TTC39B: variants seen among roughly 807,000 people sequenced by gnomAD.
TTC39B encodes tetratricopeptide repeat domain 39B.
Under a neutral mutation model 96.6 loss-of-function variants are expected in TTC39B, and 92 were observed. The observed-to-expected ratio is 0.95, with a 90% CI of 0.80 to 1.13. The LOEUF (loss-of-function observed/expected upper bound fraction) is 1.13. Ranked by LOEUF, TTC39B falls within the 50% of genes most tolerant of loss-of-function variation. The pLI is 0.00. For missense variants in TTC39B, 955 were observed against 809.3 expected, an observed-to-expected ratio of 1.18 and a Z score of -2.18; for synonymous variants, 367 against 299.4, an observed-to-expected ratio of 1.23 and a Z score of -2.33.
intron 19 of TTC39B, among the ~76,000 whole-genome samples, chr9:15,174,181 G>T (rs1012523816): frequency 6.6e-6 from 1 of 152,094 alleles, no homozygotes; most frequent in Non-Finnish European, 1.5e-5. Flanking sequence ...TATTTTTCTT[G>T]TCTATTTAGT....
chr9:15,275,169 G>C (rs1462367086), intron 1 of TTC39B, among the ~76,000 whole-genome samples: 1 of 152,026 alleles, frequency 6.6e-6, no homozygotes, highest in African/African-American at 2.4e-5. Context: ...AGCCTCCCAA[G>C]TAGCTGAGAT....
chr9:15,210,582 T>A (rs574974480), intron 5 of TTC39B, among the ~76,000 whole-genome samples: 2 of 152,292 alleles, frequency 1.3e-5, no homozygotes, highest in African/African-American at 4.8e-5. Flanking sequence ...ATGTTAACCT[T>A]CTGATCATGA....
chr9:15,201,383 G>A (rs892345985), intron 7 of TTC39B, among the ~76,000 whole-genome samples: 2 of 152,272 alleles, frequency 1.3e-5, no homozygotes, highest in African/African-American at 2.4e-5. Context: ...AAGGGAGGGC[G>A]TCAAGCACGG....
At chr9:15,200,352 T>C (rs1475852878) in intron 7 of TTC39B, among the ~76,000 whole-genome samples, 1 of 152,230 alleles carries the variant, frequency 6.6e-6, no homozygotes, top group East Asian at 1.9e-4. Context: ...CAATGGTCCT[T>C]CTTTCACAGA....
chr9:15,294,442 T>C (rs766770564), intron 1 of TTC39B, among the ~76,000 whole-genome samples: 2 of 152,224 alleles, frequency 1.3e-5, no homozygotes, highest in African/African-American at 4.8e-5. Flanking sequence ...CCAAAATGTT[T>C]GGAGAAAACA....
intron 2 of TTC39B, among the ~76,000 whole-genome samples, chr9:15,232,034 G>A (rs992464429): frequency 3.9e-5 from 6 of 152,046 alleles, no homozygotes; most frequent in African/African-American, 1.4e-4. Flanking sequence ...TGATACTCAT[G>A]GGCAAGCTAG....
At chr9:15,256,612 A>G (rs1276223361) in intron 2 of TTC39B, among the ~76,000 whole-genome samples, 1 of 152,222 alleles carries the variant, frequency 6.6e-6, no homozygotes, top group Admixed American at 6.5e-5. Context: ...AGTGATAGAA[A>G]CAAACAAGAT....
chr9:15,185,209 T>C, intron 16 of TTC39B, 71 bp downstream of exon 16: 2 of 1,507,840 alleles, frequency 1.3e-6, no homozygotes, highest in Non-Finnish European at 1.8e-6. Flanking sequence ...TAACCAAATT[T>C]AGATATGCTC....
chr9:15,199,166 C>T (rs1369199798), intron 8 of TTC39B, among the ~76,000 whole-genome samples: 4 of 152,280 alleles, frequency 2.6e-5, no homozygotes, highest in South Asian at 2.1e-4. Flanking sequence ...ATATGAACAA[C>T]GCTACAGCCA....
chr9:15,236,204 A>T (rs1564376070), intron 2 of TTC39B, among the ~76,000 whole-genome samples: 4 of 152,338 alleles, frequency 2.6e-5, no homozygotes, highest in East Asian at 3.9e-4. Flanking sequence ...AAACCAACTA[A>T]CAGTAAAAAA....
intron 15 of TTC39B, among the ~76,000 whole-genome samples, chr9:15,186,243 T>A (rs562942447): frequency 6.6e-6 from 1 of 152,194 alleles, no homozygotes; most frequent in African/African-American, 2.4e-5. Context: ...GAGCTATGGA[T>A]TTTAAACTAC....
chr9:15,205,280 C>T (rs907297842), intron 6 of TTC39B, among the ~76,000 whole-genome samples: 2 of 152,096 alleles, frequency 1.3e-5, no homozygotes, highest in African/African-American at 4.8e-5. Context: ...AAGAAGAAAG[C>T]ATTTTTATGT....
chr9:15,195,670 C>CAAAAA (rs35318510), intron 8 of TTC39B, among the ~76,000 whole-genome samples: 3 of 66,314 alleles, frequency 4.5e-5, no homozygotes, highest in African/African-American at 1.3e-4. Flanking sequence ...ACTCCATCTC[C>CAAAAA]AAAAAAAAAA....
intron 4 of TTC39B, among the ~76,000 whole-genome samples, chr9:15,213,500 G>A (rs1403255529): frequency 6.6e-6 from 1 of 152,140 alleles, no homozygotes; most frequent in Non-Finnish European, 1.5e-5. Context: ...ACCACTCAAA[G>A]TAAGGAACGA....
intron 19 of TTC39B, among the ~76,000 whole-genome samples, chr9:15,173,567 T>G (rs1817771300): frequency 6.6e-6 from 1 of 152,188 alleles, no homozygotes; most frequent in Non-Finnish European, 1.5e-5. Context: ...CACTATTTGG[T>G]TGGCTTTCCT....
intron 2 of TTC39B, among the ~76,000 whole-genome samples, chr9:15,260,079 T>G (rs532404486): frequency 6.6e-6 from 1 of 152,126 alleles, no homozygotes; most frequent in Non-Finnish European, 1.5e-5. Context: ...AATAGGAATA[T>G]ATATGAGATA....
exon 20 of TTC39B, chr9:15,169,508 C>T (rs1244521418): frequency 6.6e-6 from 1 of 152,116 alleles, no homozygotes; most frequent in Non-Finnish European, 1.5e-5. Flanking sequence ...AATGGCAACC[C>T]AACCCCATCA....
intron 2 of TTC39B, among the ~76,000 whole-genome samples, chr9:15,248,481 C>A (rs764579599): frequency 2.0e-4 from 31 of 152,122 alleles, no homozygotes; most frequent in South Asian, 6.2e-4. Flanking sequence ...ATTAGGTAAT[C>A]AGTTTTTTAA....
intron 1 of TTC39B, among the ~76,000 whole-genome samples, chr9:15,281,729 T>G (rs1823772267): frequency 6.7e-6 from 1 of 148,730 alleles, no homozygotes; most frequent in African/African-American, 2.5e-5. Flanking sequence ...CACGCTGGAG[T>G]GCAGTGGCAC....
Sources: gnomAD v4.1 joint callset for allele counts (sites outside exome capture counted in the v4.1 genomes callset) on GRCh38, gnomAD v4.1.1 for gene constraint, MANE v1.5 for transcripts, NCBI Gene and HGNC (gene_info 2026-07-23, HGNC 2026-07-21) for gene names.